The following STS variants were observed in gnomAD, a reference collection of about 807,000 sequenced individuals.
STS encodes the protein steryl-sulfatase.
Under a neutral mutation model 26.8 loss-of-function variants are expected in STS, and 7 were observed. The ratio of observed to expected loss-of-function variants is 0.26; its 90% CI spans 0.15 to 0.49. STS has a LOEUF of 0.49. Among genes scored for constraint, STS ranks in the 20% least tolerant of loss-of-function variants. The pLI is 0.98. For missense variants in STS, 434 were observed against 465.6 expected (o/e 0.93, Z 0.63); for synonymous variants, 199 against 189.4 (o/e 1.05, Z -0.42).
chrX:7,215,188 T>C (rs1023999608), intron 2 of STS, among the ~76,000 whole-genome samples: 2 of 103,944 alleles, frequency 1.9e-5, no homozygotes, highest in Non-Finnish European at 3.9e-5. Context: ...CACTCGTTGA[T>C]TGATGGGCAT....
chrX:7,236,838 T>A (rs1317697405), intron 2 of STS, among the ~76,000 whole-genome samples: 2 of 108,159 alleles, frequency 1.8e-5, no homozygotes, highest in East Asian at 5.8e-4. Context: ...GCATTAGGTA[T>A]GCGAATGAAA....
intron 7 of STS, among the ~76,000 whole-genome samples, chrX:7,297,573 A>G (rs1179123776): frequency 8.9e-6 from 1 of 112,000 alleles, no homozygotes; most frequent in Non-Finnish European, 1.9e-5. Flanking sequence ...TTTTATGTTA[A>G]CTTATGACAT....
chrX:7,167,761 C>CACTGCA (rs1434713932), intron 1 of STS, among the ~76,000 whole-genome samples: 2 of 111,589 alleles, frequency 1.8e-5, no homozygotes, highest in African/African-American at 3.3e-5. Flanking sequence ...GATCATGGCT[C>CACTGCA]ACTGCAACCC....
At chrX:7,333,136 T>C (rs1927839952) in intron 9 of STS, among the ~76,000 whole-genome samples, 1 of 112,305 alleles carries the variant, frequency 8.9e-6, no homozygotes, top group Non-Finnish European at 1.9e-5. Context: ...TGTAGTGTTT[T>C]TAATCAGAGA....
intron 2 of STS, among the ~76,000 whole-genome samples, chrX:7,229,328 C>G (rs1461425946): frequency 9.0e-6 from 1 of 111,201 alleles, no homozygotes; most frequent in Non-Finnish European, 1.9e-5. Flanking sequence ...AGAGGGGATC[C>G]ACACTTTCCC....
intron 2 of STS, among the ~76,000 whole-genome samples, chrX:7,207,973 C>T (rs1400529434): frequency 1.8e-4 from 20 of 112,060 alleles, no homozygotes; most frequent in African/African-American, 6.2e-4. Flanking sequence ...TTCCCAGCCT[C>T]CTGGTTTGCA....
At chrX:7,196,040 CCTGT>C (rs1277012374) in intron 2 of STS, among the ~76,000 whole-genome samples, 1 of 111,895 alleles carries the variant, frequency 8.9e-6, no homozygotes, top group Non-Finnish European at 1.9e-5. Context: ...TTTCCTCTAC[CCTGT>C]CTGAGTTCTT....
At chrX:7,322,190 G>A (rs890142562) in intron 8 of STS, among the ~76,000 whole-genome samples, 2 of 112,441 alleles carry the variant, frequency 1.8e-5, no homozygotes, top group African/African-American at 6.5e-5. Flanking sequence ...TGGCAACACA[G>A]GTTAGGAGAG....
At chrX:7,310,566 C>T (rs958095642) in intron 8 of STS, among the ~76,000 whole-genome samples, 4 of 111,577 alleles carry the variant, frequency 3.6e-5, no homozygotes, top group African/African-American at 1.3e-4. Flanking sequence ...GTGGCCCCAC[C>T]CCTAGCTTCA....
intron 5 of STS, among the ~76,000 whole-genome samples, chrX:7,258,917 A>C (rs1440452698): frequency 2.1e-4 from 23 of 110,739 alleles, no homozygotes; most frequent in African/African-American, 2.9e-4. Flanking sequence ...GAAAAAAAAA[A>C]AAACAAACTT....
intron 3 of STS, among the ~76,000 whole-genome samples, chrX:7,254,568 T>C (rs1483620830): frequency 1.9e-5 from 2 of 107,532 alleles, no homozygotes; most frequent in African/African-American, 3.4e-5. Context: ...TTTTTCTTTT[T>C]TTCTTCTTCT....
chrX:7,245,971 C>T (rs1376590981), intron 2 of STS, among the ~76,000 whole-genome samples: 1 of 112,293 alleles, frequency 8.9e-6, no homozygotes, highest in Non-Finnish European at 1.9e-5. Flanking sequence ...TATTTAAACA[C>T]AAGCATGTAG....
chrX:7,259,480 G>T lies in STS; in HGVS notation c.514G>T (p.Val172Phe). The change falls in exon 6 of 11, where the codon GTC (valine) becomes TTC (phenylalanine). Residue 172 changes from valine to phenylalanine, a missense_variant. Around this residue, in one of 2 missense-constraint regions of STS, gnomAD observed 229 missense variants for 288.3 expected, o/e 0.79. Transcript: ENST00000674429. Reference sequence around the variant, plus strand: ...AGACTGCAAGCCCGGAGAGGGCAGTGTCTTCACCACGGGCTTCAAGAGGCT... The same window carrying T: ...AGACTGCAAGCCCGGAGAGGGCAGTTTCTTCACCACGGGCTTCAAGAGGCT... ...LRDCKPGEGS[V>F]FTTGFKRLVF... The T allele has an allele frequency of 8.3e-7, 1 of 1,211,789 alleles. No individual in the cohort carries two copies. Among genetic ancestry groups the T allele is most frequent in the Non-Finnish European group, 1.1e-6 (1 of 895,423 alleles).
intron 6 of STS, among the ~76,000 whole-genome samples, chrX:7,263,637 A>C (rs111997793): frequency 1.8e-5 from 2 of 112,440 alleles, no homozygotes; most frequent in African/African-American, 6.5e-5. Context: ...TATCCCTGTC[A>C]CTATATGATG....
intron 1 of STS, among the ~76,000 whole-genome samples, chrX:7,155,239 C>A (rs1933108989): frequency 9.0e-6 from 1 of 111,698 alleles, no homozygotes; most frequent in Non-Finnish European, 1.9e-5. Flanking sequence ...TTAAAAAGAA[C>A]ATAATATCTC....
chrX:7,324,791 G>A (rs1045949522), intron 8 of STS, among the ~76,000 whole-genome samples: 1 of 111,580 alleles, frequency 9.0e-6, no homozygotes. Context: ...TAGTCGAGGG[G>A]CTTAGAATTT....
At chrX:7,188,715 C>G (rs761331854) in intron 1 of STS, among the ~76,000 whole-genome samples, 1 of 111,716 alleles carries the variant, frequency 9.0e-6, no homozygotes, top group East Asian at 2.8e-4. Flanking sequence ...AGCTTCCATG[C>G]TGATACCTTA....
chrX:7,280,128 G>C (rs1217875293), intron 7 of STS, among the ~76,000 whole-genome samples: 3 of 112,076 alleles, frequency 2.7e-5, no homozygotes, highest in African/African-American at 9.7e-5. Context: ...TCATTCATTA[G>C]TCATGTTGAC....
rs560949112 is a variant in STS at position 7,274,495 on chromosome X, G to A, written c.807-1456G>A. On this transcript the variant is annotated intron_variant, in intron 6 of 10. Transcript: ENST00000674429. ...GAGAGGTAAAGATTGAGCCTACGAG[G>A]TGAAACTGAGACACAGCACTAAATG... Among the ~76,000 whole-genome samples, 31 of 111,955 alleles carry A rather than the reference G, an allele frequency of 2.8e-4. No homozygotes were observed. In the South Asian group the frequency reaches 0.011, roughly 41 times the overall value.
Sources: gnomAD v4.1 joint callset for allele counts (sites outside exome capture counted in the v4.1 genomes callset) on GRCh38, gnomAD v4.1.1 for gene constraint, gnomAD v4.1.1 regional missense constraint, MANE v1.5 for transcripts, NCBI Gene and HGNC (gene_info 2026-07-23, HGNC 2026-07-21) for gene names.